The following COG1 variants were observed in gnomAD, a reference collection of about 807,000 sequenced individuals.
COG1 encodes component of oligomeric golgi complex 1, also known as conserved oligomeric Golgi complex subunit 1.
A neutral mutation model predicts 102.2 loss-of-function variants in COG1; 61 were observed. The observed-to-expected ratio is 0.60, with a 90% CI of 0.49 to 0.74. The LOEUF is 0.74. Among genes scored for constraint, COG1 ranks in the 30% least tolerant of loss-of-function variants. The pLI, the probability that COG1 is intolerant of heterozygous loss-of-function variation, is 0.00. For synonymous variants in COG1, 454 were observed against 493.6 expected (o/e 0.92, Z 1.06); for missense variants, 1,164 against 1,232.1 (o/e 0.94, Z 0.83).
intron 12 of COG1, 92 bp downstream of exon 12, chr17:73,206,909 G>A (rs2145107012): frequency 1.1e-6 from 1 of 925,310 alleles, no homozygotes; most frequent in East Asian, 2.5e-5. Context: ...GGCTAACATG[G>A]TGAAACCCTG....
intron 9 of COG1, 164 bp from the exon 10 acceptor site, chr17:73,205,389 C>G (rs2061364426): frequency 1.3e-6 from 1 of 749,698 alleles, no homozygotes; most frequent in African/African-American, 1.7e-5. Context: ...AAGTTTCTAA[C>G]AAAATTTGTT....
Position 73,205,990 on chromosome 17 carries a change from C to G in COG1, c.2511-164C>G, listed in dbSNP as rs566072076. 2.0e-4 allele frequency: 142 copies of G among 712,836 alleles called. No homozygotes were observed. The South Asian group carries it at 2.1e-3, about 10-fold the overall frequency. The allele number at this position is 712,836 out of a possible 1,614,324, so 44.2% of individuals were successfully genotyped here. ...GAAAGGGTGGACTTCACTTAGACAT[C>G]ATGCTTGAGGGTGACTTAAGCACTA... On this transcript the variant is annotated intron_variant, in intron 10 of 13. Transcript: ENST00000299886.
chr17:73,203,314 G>C, intron 8 of COG1, 168 bp downstream of exon 8: 1 of 872,912 alleles, frequency 1.1e-6, no homozygotes, highest in Non-Finnish European at 1.8e-6. Context: ...ATGGCAGACT[G>C]TTCAAGAAGT....
chr17:73,206,031 G>C (rs997210529), intron 10 of COG1, 123 bp from the exon 11 acceptor site: 1 of 827,850 alleles, frequency 1.2e-6, no homozygotes, highest in Non-Finnish European at 2.0e-6. Context: ...AGTGACAAAC[G>C]TACTAAGCCA....
chr17:73,203,588 TAATTGGTGC>T, intron 8 of COG1, 35 bp from the exon 9 acceptor site: 1 of 1,610,592 alleles, frequency 6.2e-7, no homozygotes, highest in Non-Finnish European at 8.5e-7. Context: ...GTGTGTCATT[TAATTGGTGC>T]AAGTTGGCAA....
chr17:73,197,164 C>T lies in COG1; in HGVS notation c.743-62C>T, dbSNP rs374408442. 1.2e-5 allele frequency: 19 copies of T among 1,611,434 alleles called. No homozygotes were observed. In the African/African-American group the frequency reaches 1.3e-4, roughly 11 times the overall value. ...CTGCGGGAGACTGAAGCCTCCAGAG[C>T]GTCCTCTGTCTTTCACTTTGGGAAA... is the stretch of plus-strand genomic sequence containing the variant. On this transcript the variant is annotated intron_variant, in intron 3 of 13. Coordinates refer to ENST00000299886, the MANE Select transcript of COG1 (RefSeq NM_018714.3).
In COG1 at chr17:73,197,537, CCA is replaced by C. The variant is rs2061330666; in HGVS notation, c.913+144_913+145del. 2.3e-5 allele frequency: 20 copies of C among 859,148 alleles called. No homozygotes were observed. The South Asian group carries it at 2.7e-4, about 12-fold the overall frequency. 53.2% of individuals were successfully genotyped at this position (859,148 alleles called of 1,614,324 possible). ...AATAGAGGCCCTTCCTTCATCGAGG[CCA>C]CAGTTGAGTGGTAGAAGCAGGTATC... On this transcript the variant is annotated intron_variant, in intron 4 of 13. Transcript: ENST00000299886.
rs758968703 is a variant in COG1 at position 73,201,435 on chromosome 17, C to G, written c.1608C>G (p.Leu536=). The change falls in exon 7 of 14, where the codon CTC becomes CTG. Residue 536 remains leucine (L), a synonymous_variant. Coordinates refer to ENST00000299886, the MANE Select transcript of COG1 (RefSeq NM_018714.3). The part of the protein sequence containing the change: ...KVKLDDLLAY[L]PSDDSSLPKD... Reference sequence around the variant, plus strand: ...AACTAGATGACCTCCTGGCTTACCTCCCCTCTGATGACTCATCACTGCCCA... The same window carrying G: ...AACTAGATGACCTCCTGGCTTACCTGCCCTCTGATGACTCATCACTGCCCA... 1.2e-6 allele frequency: 2 copies of G among 1,614,244 alleles called. No homozygotes were observed. The highest frequency in any genetic ancestry group is 1.3e-5 in the African/African-American group (1 of 75,070).
At chr17:73,199,558 C>A (rs1482157139) in intron 4 of COG1, among the ~76,000 whole-genome samples, 1 of 152,062 alleles carries the variant, frequency 6.6e-6, no homozygotes, top group African/African-American at 2.4e-5. Flanking sequence ...TTGGAAATTT[C>A]TTCTAAGTCC....
At position 73,196,558 on chromosome 17, in the gene COG1, C is replaced by G. The variant is rs780953970; in HGVS notation, c.367C>G (p.Leu123Val). 6.2e-7 allele frequency: 1 copy of G among 1,614,222 alleles called. No individual in the cohort carries two copies. The highest frequency in any genetic ancestry group is 8.5e-7 in the Non-Finnish European group (1 of 1,180,034). Reference sequence around the variant, plus strand: ...CTACAGCATGGCTGCCCAGATCAAGCTACTCTTAGAAATTCCGGAGAAGAT... The same window carrying G: ...CTACAGCATGGCTGCCCAGATCAAGGTACTCTTAGAAATTCCGGAGAAGAT... Reference protein sequence around the residue: ...KFYSMAAQIKLLLEIPEKIWS... With the variant: ...KFYSMAAQIKVLLEIPEKIWS... Residue 123 changes from leucine (L) to valine (V), a missense_variant, in exon 2 of 14, where the codon CTA becomes GTA. Physicochemically the swap from Leu to Val is conservative, Grantham distance 32. Coordinates refer to ENST00000299886, the MANE Select transcript of COG1 (RefSeq NM_018714.3).
chr17:73,207,387 G>T, intron 13 of COG1, 131 bp downstream of exon 13: 1 of 891,242 alleles, frequency 1.1e-6, no homozygotes. Flanking sequence ...GCTTTTAATG[G>T]CGGCGCAATA....
intron 3 of COG1, 67 bp downstream of exon 3, chr17:73,197,148 A>C: frequency 6.2e-7 from 1 of 1,610,950 alleles, no homozygotes; most frequent in South Asian, 1.1e-5. Flanking sequence ...GCTGCGGGAG[A>C]CTGAAGCCTC....
chr17:73,208,199 C>A (rs2061391350), intron 13 of COG1, 115 bp from the exon 14 acceptor site: 11 of 1,584,806 alleles, frequency 6.9e-6, no homozygotes, highest in Admixed American at 5.3e-5. Flanking sequence ...AGCCATCGTG[C>A]TTCTCAGCTC....
At chr17:73,202,962 C>G in intron 7 of COG1, 38 bp from the exon 8 acceptor site, 1 of 1,611,164 alleles carries the variant, frequency 6.2e-7, no homozygotes, top group Non-Finnish European at 8.5e-7. Context: ...TACAGAGGAT[C>G]TGAGTGGCTT....
At position 73,199,991 on chromosome 17, in the gene COG1, T is replaced by C. The variant is rs764799546; in HGVS notation, c.1040T>C (p.Leu347Pro). 1.9e-6 allele frequency: 3 copies of C among 1,613,610 alleles called. No homozygotes were observed. The African/African-American group carries it at 4.0e-5, about 22-fold the overall frequency. ...GCACATCCCATCAGTCAGGAATACC[T>C]GAAAGACACGCTGCAGAAATGGATC... ...TLAHPISQEY[L>P]KDTLQKWIHM... Residue 347 changes from leucine to proline, a missense_variant, in exon 5 of 14, where the codon CTG becomes CCG. By Grantham distance (98) the Leu-to-Pro change is moderately conservative (BLOSUM62 -3). Coordinates refer to ENST00000299886, the MANE Select transcript of COG1 (RefSeq NM_018714.3).
chr17:73,197,090 G>A lies in COG1; in HGVS notation c.742+9G>A, dbSNP rs1271232197. 1 of 1,614,034 alleles carries A rather than the reference G, an allele frequency of 6.2e-7. No homozygotes were observed. The highest frequency in any genetic ancestry group is 2.2e-5 in the East Asian group (1 of 44,894). Reference sequence around the variant, plus strand: ...CAACCAGCCACACCATGGTGGGTGTGGCTTCTGGCCAACATTTGGTCCTTA... The same window carrying A: ...CAACCAGCCACACCATGGTGGGTGTAGCTTCTGGCCAACATTTGGTCCTTA... On this transcript the variant is annotated intron_variant, in intron 3 of 13. Coordinates refer to ENST00000299886, the MANE Select transcript of COG1 (RefSeq NM_018714.3).
At position 73,199,937 on chromosome 17, in the gene COG1, T is replaced by A. The variant is rs745601566; in HGVS notation, c.986T>A (p.Val329Asp). The A allele has an allele frequency of 6.2e-7, 1 of 1,614,188 alleles. No homozygotes were observed. The highest frequency in any genetic ancestry group is 8.5e-7 in the Non-Finnish European group (1 of 1,180,032). The change falls in exon 5 of 14, where the codon GTC becomes GAC. Residue 329 changes from valine to aspartate, a missense_variant. Physicochemically the swap from Val to Asp is radical, Grantham distance 152. Transcript: ENST00000299886. ...SWFKHLPASIVEFQPTLRTLA... is the reference protein window; with the variant it reads ...SWFKHLPASIDEFQPTLRTLA... ...TTTAAACACCTGCCAGCATCCATCG[T>A]CGAGTTCCAGCCAACACTCCGAACC...
chr17:73,206,097 A>T, intron 10 of COG1, 57 bp from the exon 11 acceptor site: 2 of 1,342,234 alleles, frequency 1.5e-6, no homozygotes, highest in Non-Finnish European at 2.1e-6. Flanking sequence ...AGGATATCAT[A>T]AGATTGTTTT....
Sources: gnomAD v4.1 joint callset for allele counts (sites outside exome capture counted in the v4.1 genomes callset) on GRCh38, gnomAD v4.1.1 for gene constraint, MANE v1.5 for transcripts, NCBI Gene and HGNC (gene_info 2026-07-23, HGNC 2026-07-21) for gene names.